Variants in ARAP2 observed in about 807,000 individuals in gnomAD.
The protein encoded by ARAP2 is ArfGAP with RhoGAP domain, ankyrin repeat and PH domain 2.
Under a neutral mutation model 194.5 loss-of-function variants are expected in ARAP2, and 148 were observed. The ratio of observed to expected loss-of-function variants is 0.76; its 90% confidence interval spans 0.67 to 0.87. The LOEUF (loss-of-function observed/expected upper bound fraction) is 0.87. ARAP2 is among the 40% of genes least tolerant of loss of function. The pLI is 0.00. For missense variants in ARAP2, 2,128 were observed against 1,989.7 expected (o/e 1.07, Z -1.32); for synonymous variants, 695 against 683.5 (o/e 1.02, Z -0.26).
Position 36,166,860 on chromosome 4 carries a change from G to A in ARAP2, c.1973+72C>T, listed in dbSNP as rs951543168. ...TGGCCTACAAGAGAAAAATCACCAC[G>A]AACAACATAAAGGTGGATCACCCAA... is the stretch of plus-strand genomic sequence containing the variant. On this transcript the variant is annotated intron_variant, in intron 10 of 32. Coordinates refer to ENST00000303965, the MANE Select transcript of ARAP2 (RefSeq NM_015230.4). 9.9e-6 allele frequency: 8 copies of A among 810,138 alleles called. No individual in the cohort carries two copies. The African/African-American group carries it at 1.1e-4, about 11-fold the overall frequency. The allele number at this position is 810,138 out of a possible 1,614,324, so 50.2% of individuals were successfully genotyped here. A position where few individuals can be genotyped will look rare whatever the true frequency, so the allele number is the denominator to read the frequency against.
intron 9 of ARAP2, among the ~76,000 whole-genome samples, chr4:36,168,391 A>T (rs1030548697): frequency 1.3e-5 from 2 of 152,230 alleles, no homozygotes; most frequent in African/African-American, 4.8e-5. Context: ...GGACAAAAAT[A>T]GGGAGAACCC....
chr4:36,075,675 A>G (rs1247548095), intron 31 of ARAP2, among the ~76,000 whole-genome samples: 1 of 152,108 alleles, frequency 6.6e-6, no homozygotes, highest in Non-Finnish European at 1.5e-5. Context: ...CCTTGTAAAT[A>G]TCTTCAAGTT....
At chr4:36,188,012 T>C (rs551155897) in intron 7 of ARAP2, among the ~76,000 whole-genome samples, 4 of 152,314 alleles carry the variant, frequency 2.6e-5, no homozygotes, top group African/African-American at 4.8e-5. Context: ...TAAACACATA[T>C]CGGGTTTTCT....
intron 23 of ARAP2, among the ~76,000 whole-genome samples, chr4:36,120,508 G>A (rs1722424579): frequency 6.6e-6 from 1 of 151,564 alleles, no homozygotes; most frequent in South Asian, 2.1e-4. Context: ...TTAAGGGAAT[G>A]TTCAAAAGGT....
At chr4:36,136,251 T>G (rs557040836) in intron 19 of ARAP2, among the ~76,000 whole-genome samples, 1 of 151,904 alleles carries the variant, frequency 6.6e-6, no homozygotes, top group South Asian at 2.1e-4. Flanking sequence ...CAAAGAAACA[T>G]TTACTTATAT....
chr4:36,237,786 G>C (rs1040150363), intron 1 of ARAP2, among the ~76,000 whole-genome samples: 1 of 152,066 alleles, frequency 6.6e-6, no homozygotes, highest in Admixed American at 6.6e-5. Context: ...CACCATCTTT[G>C]CTTTGGTACA....
chr4:36,238,118 C>T (rs566733293), intron 1 of ARAP2, among the ~76,000 whole-genome samples: 2 of 152,236 alleles, frequency 1.3e-5, no homozygotes, highest in Non-Finnish European at 2.9e-5. Flanking sequence ...CAACATCCGC[C>T]CCATTAAACC....
At chr4:36,136,781 A>ATGTGTG (rs1386121529) in intron 19 of ARAP2, among the ~76,000 whole-genome samples, 4 of 106,576 alleles carry the variant, frequency 3.8e-5, no homozygotes, top group East Asian at 2.9e-4. Flanking sequence ...AGAATCAAAT[A>ATGTGTG]TATGTGTGTG....
At chr4:36,200,082 C>A (rs1309134907) in intron 6 of ARAP2, among the ~76,000 whole-genome samples, 1 of 152,124 alleles carries the variant, frequency 6.6e-6, no homozygotes, top group Non-Finnish European at 1.5e-5. Context: ...TATTTTTAAA[C>A]CTAAATTCAT....
In ARAP2 at chr4:36,092,057, G is replaced by A. The variant is rs746323096; in HGVS notation, c.4286-37C>T. The A allele has an allele frequency of 3.1e-5, 46 of 1,460,602 alleles. No individual in the cohort carries two copies. In the African/African-American group the frequency reaches 3.5e-4, roughly 11 times the overall value. The allele number at this position is 1,460,602 out of a possible 1,614,324, so 90.5% of individuals were successfully genotyped here. ...AGCATTACTTTTGTGAGTTGGGTAC[G>A]TTTTTACTTATTTGAAATACAATAC... is the stretch of plus-strand genomic sequence containing the variant. On this transcript the variant is annotated intron_variant, in intron 27 of 32. Coordinates refer to ENST00000303965, the MANE Select transcript of ARAP2 (RefSeq NM_015230.4).
chr4:36,024,164 T>G (rs909964014), intron 5 of ARAP2, among the ~76,000 whole-genome samples: 7 of 152,120 alleles, frequency 4.6e-5, no homozygotes, highest in African/African-American at 1.7e-4. Flanking sequence ...CAAATCAGTC[T>G]CATTATCTCT....
chr4:36,043,163 T>C (rs1440551283), intron 5 of ARAP2, among the ~76,000 whole-genome samples: 2 of 152,202 alleles, frequency 1.3e-5, no homozygotes, highest in African/African-American at 4.8e-5. Context: ...TGTTTTTATG[T>C]ACTACCATGT....
chr4:36,016,680 C>A (rs921926468), intron 6 of ARAP2, among the ~76,000 whole-genome samples: 3 of 152,092 alleles, frequency 2.0e-5, no homozygotes, highest in Non-Finnish European at 4.4e-5. Context: ...TTTTGATACT[C>A]TTTTAATTTT....
At chr4:36,105,382 T>G (rs1430352939) in intron 27 of ARAP2, among the ~76,000 whole-genome samples, 1 of 151,920 alleles carries the variant, frequency 6.6e-6, no homozygotes, top group Non-Finnish European at 1.5e-5. Context: ...CTCTGAAACA[T>G]CACTTAAGCC....
intron 27 of ARAP2, among the ~76,000 whole-genome samples, chr4:36,096,728 G>A (rs1177247224): frequency 6.6e-6 from 1 of 152,036 alleles, no homozygotes; most frequent in Non-Finnish European, 1.5e-5. Flanking sequence ...AATAATTACT[G>A]AAAAATATAC....
At chr4:36,154,936 C>T (rs1346869221) in intron 15 of ARAP2, among the ~76,000 whole-genome samples, 8 of 152,180 alleles carry the variant, frequency 5.3e-5, no homozygotes, top group Non-Finnish European at 2.9e-5. Flanking sequence ...ATTGCACAAA[C>T]TTCAAGGGTG....
intron 6 of ARAP2, among the ~76,000 whole-genome samples, chr4:36,194,781 A>T (rs540617264): frequency 6.6e-6 from 1 of 152,366 alleles, no homozygotes; most frequent in African/African-American, 2.4e-5. Flanking sequence ...TTTCACATAT[A>T]AGCATTGAAT....
Position 36,156,415 on chromosome 4 carries a change from GAA to G in ARAP2, c.2752+2313_2752+2314del, listed in dbSNP as rs1406985856. Reference sequence around the variant, plus strand: ...AGAAAGAAAGAAAGAAAGAAAGAAAGAAAGAAAGAAAGAAAGAAAGAAAGAAA... The same window carrying G: ...AGAAAGAAAGAAAGAAAGAAAGAAAGAGAAAGAAAGAAAGAAAGAAAGAAA... On this transcript the variant is annotated intron_variant, in intron 15 of 32. Transcript: ENST00000303965. 5.2e-3 allele frequency among the ~76,000 whole-genome samples: 48 copies of G among 9,286 alleles called. 7 individuals carry two copies. Among genetic ancestry groups the G allele is most frequent in the African/African-American group, 8.3e-3 (11 of 1,320 alleles). 6.1% of individuals were successfully genotyped at this position (9,286 alleles called of 152,430 possible).
intron 12 of ARAP2, 142 bp downstream of exon 12, chr4:36,161,323 T>C (rs1733895829): frequency 3.2e-6 from 2 of 626,154 alleles, no homozygotes; most frequent in South Asian, 3.9e-5. Context: ...AAAAAGGCTA[T>C]AAGCCACTTC....
Sources: allele counts gnomAD v4.1 joint callset (sites outside exome capture counted in the v4.1 genomes callset), GRCh38; gene constraint gnomAD v4.1.1; transcripts MANE v1.5; gene names NCBI Gene and HGNC (gene_info 2026-07-23, HGNC 2026-07-21).